Variants in DPY19L1 observed in about 807,000 individuals in gnomAD.
The protein encoded by DPY19L1 is protein C-mannosyl-transferase DPY19L1.
DPY19L1 carries 35 observed loss-of-function variants against 96.9 expected under a neutral mutation model. The ratio of observed to expected loss-of-function variants is 0.36; its 90% CI spans 0.28 to 0.48. The LOEUF is 0.48. Ranked by LOEUF, DPY19L1 falls within the 20% of genes least tolerant of loss-of-function variation. The probability of loss-of-function intolerance (pLI) is 0.99; values close to 1 mark genes in which losing one functional copy is unlikely to be tolerated. For synonymous variants in DPY19L1, 205 were observed against 252.6 expected, an observed-to-expected ratio of 0.81 and a Z score of 1.79; for missense variants, 521 against 777.9, an observed-to-expected ratio of 0.67 and a Z score of 3.93.
chr7:34,965,521 T>C (rs1230378406), intron 10 of DPY19L1, among the ~76,000 whole-genome samples: 1 of 152,124 alleles, frequency 6.6e-6, no homozygotes, highest in African/African-American at 2.4e-5. Flanking sequence ...TGGTTACCTC[T>C]AGGAACAGTG....
intron 8 of DPY19L1, among the ~76,000 whole-genome samples, chr7:34,972,333 C>T (rs893410272): frequency 3.9e-5 from 6 of 152,210 alleles, no homozygotes; most frequent in Non-Finnish European, 7.3e-5. Flanking sequence ...ACTAACACTA[C>T]CTTCTATGGT....
intron 6 of DPY19L1, among the ~76,000 whole-genome samples, chr7:35,008,541 A>G (rs1785620957): frequency 6.6e-6 from 1 of 152,320 alleles, no homozygotes; most frequent in Non-Finnish European, 1.5e-5. Flanking sequence ...TTCAATTAAA[A>G]AAGTAGCCAG....
chr7:34,994,077 T>C (rs1230999507), intron 6 of DPY19L1, among the ~76,000 whole-genome samples: 1 of 152,060 alleles, frequency 6.6e-6, no homozygotes, highest in Non-Finnish European at 1.5e-5. Context: ...ATAAAAATTT[T>C]TTTGGACAAC....
At chr7:35,023,615 C>G (rs1786046550) in intron 1 of DPY19L1, among the ~76,000 whole-genome samples, 1 of 152,132 alleles carries the variant, frequency 6.6e-6, no homozygotes, top group African/African-American at 2.4e-5. Context: ...GAGTATTTAT[C>G]AGCATTTTAC....
chr7:34,935,466 A>T lies in DPY19L1; in HGVS notation c.2090+2528T>A, dbSNP rs1186722. Among the ~76,000 whole-genome samples the T allele has an allele frequency of 1.5e-3, 227 of 152,390 alleles. 1 individual carries two copies. The highest frequency in any genetic ancestry group is 5.3e-3 in the African/African-American group (220 of 41,594). On this transcript the variant is annotated intron_variant, in intron 21 of 21. Transcript: ENST00000638088. Reference sequence around the variant, plus strand: ...AAAACTAATCTACAACTTGCATGCAAATATATTTGAGTGTTTATATTTAAA... The same window carrying T: ...AAAACTAATCTACAACTTGCATGCATATATATTTGAGTGTTTATATTTAAA...
intron 2 of DPY19L1, among the ~76,000 whole-genome samples, chr7:35,018,345 T>A (rs899820121): frequency 2.0e-5 from 3 of 152,204 alleles, no homozygotes; most frequent in Non-Finnish European, 2.9e-5. Context: ...TAATGTTGAG[T>A]GGAGTCTCAA....
In DPY19L1 at chr7:34,973,650, A is replaced by G. The variant is rs12537546; in HGVS notation, c.823-45T>C. 1,944 of 1,037,094 alleles carry G rather than the reference A, an allele frequency of 1.9e-3. 57 individuals carry two copies. In the Admixed American group the frequency reaches 0.045, roughly 24 times the overall value. 64.2% of individuals were successfully genotyped at this position (1,037,094 alleles called of 1,614,324 possible). ...GTATAGTATACTTGCTAAATTTACT[A>G]AGACATTCCAAGTAAAAATTGCTAT... On this transcript the variant is annotated intron_variant, in intron 7 of 21. Transcript: ENST00000638088.
chr7:35,001,004 T>C (rs1231399479), intron 6 of DPY19L1, among the ~76,000 whole-genome samples: 1 of 152,358 alleles, frequency 6.6e-6, no homozygotes, highest in Non-Finnish European at 1.5e-5. Context: ...CTCAAATCCC[T>C]ACTCTGCCAG....
At chr7:34,990,018 C>A in intron 6 of DPY19L1, 77 bp from the exon 7 acceptor site, 1 of 1,125,250 alleles carries the variant, frequency 8.9e-7, no homozygotes, top group South Asian at 1.5e-5. Flanking sequence ...CACATAATAT[C>A]ATAACCACTG....
At chr7:34,957,282 T>C (rs2128786578) in intron 11 of DPY19L1, among the ~76,000 whole-genome samples, 1 of 152,258 alleles carries the variant, frequency 6.6e-6, no homozygotes, top group East Asian at 1.9e-4. Context: ...CTTGGAAGGC[T>C]GAGGCAGGAG....
chr7:35,018,464 A>G, intron 2 of DPY19L1, 108 bp downstream of exon 2: 1 of 973,454 alleles, frequency 1.0e-6, no homozygotes. Flanking sequence ...CATGTAATAT[A>G]TATTCATACT....
intron 6 of DPY19L1, among the ~76,000 whole-genome samples, chr7:34,993,415 T>C (rs1785214342): frequency 6.8e-6 from 1 of 147,314 alleles, no homozygotes; most frequent in South Asian, 2.2e-4. Flanking sequence ...CTCTGTTCTA[T>C]TTCATTCAAC....
At chr7:34,995,843 C>T (rs1785270046) in intron 6 of DPY19L1, among the ~76,000 whole-genome samples, 2 of 150,036 alleles carry the variant, frequency 1.3e-5, no homozygotes, top group East Asian at 4.0e-4. Context: ...TGGGCACCTT[C>T]CTAGCCCAAT....
intron 7 of DPY19L1, among the ~76,000 whole-genome samples, chr7:34,980,984 G>T (rs1031921476): frequency 6.6e-6 from 1 of 152,190 alleles, no homozygotes; most frequent in African/African-American, 2.4e-5. Context: ...AATCAATAGT[G>T]ATAGAGATAG....
Position 35,011,114 on chromosome 7 carries a change from C to T in DPY19L1, c.670+216G>A, listed in dbSNP as rs328941. 1.5e-3 allele frequency among the ~76,000 whole-genome samples: 229 copies of T among 152,314 alleles called. 1 individual carries two copies. The highest frequency in any genetic ancestry group is 5.3e-3 in the African/African-American group (222 of 41,560). On this transcript the variant is annotated intron_variant, in intron 5 of 21. Coordinates refer to ENST00000638088, the MANE Select transcript of DPY19L1 (RefSeq NM_001366673.1). ...TAGCCTCTCAGTTAATTCCAGCCTT[C>T]CCAGACATTTGAGTCTTAGTAGCAG...
intron 16 of DPY19L1, among the ~76,000 whole-genome samples, chr7:34,944,464 A>C (rs1221767007): frequency 1.3e-5 from 2 of 152,098 alleles, no homozygotes; most frequent in African/African-American, 2.4e-5. Context: ...AAAGAATAAA[A>C]GTAGAGTTAA....
At chr7:35,005,947 G>A (rs1422070454) in intron 6 of DPY19L1, among the ~76,000 whole-genome samples, 1 of 152,150 alleles carries the variant, frequency 6.6e-6, no homozygotes, top group Admixed American at 6.5e-5. Flanking sequence ...GCAGCCAGTA[G>A]GGATAAATCT....
intron 21 of DPY19L1, among the ~76,000 whole-genome samples, chr7:34,934,629 G>A (rs955886889): frequency 5.3e-5 from 8 of 152,188 alleles, no homozygotes; most frequent in African/African-American, 1.9e-4. Context: ...ATGGGCTGGA[G>A]GGTGGGGGCG....
At chr7:34,963,805 G>A (rs575614148) in intron 10 of DPY19L1, among the ~76,000 whole-genome samples, 1 of 152,146 alleles carries the variant, frequency 6.6e-6, no homozygotes, top group Non-Finnish European at 1.5e-5. Context: ...AGTAACTTGG[G>A]ACAGTAGGCT....
Sources: gnomAD v4.1 joint callset for allele counts (sites outside exome capture counted in the v4.1 genomes callset) on GRCh38, gnomAD v4.1.1 for gene constraint, MANE v1.5 for transcripts, NCBI Gene and HGNC (gene_info 2026-07-23, HGNC 2026-07-21) for gene names.